The following IL1RAPL2 variants were observed in gnomAD, a reference collection of about 807,000 sequenced individuals.
IL1RAPL2 encodes X-linked interleukin-1 receptor accessory protein-like 2.
In IL1RAPL2, 3 loss-of-function variants were observed where a neutral mutation model predicts 44.1. The observed-to-expected ratio is 0.07, with a 90% CI of 0.03 to 0.18. The LOEUF (loss-of-function observed/expected upper bound fraction) is 0.18, where lower values mean the gene tolerates loss of function less well. Among genes scored for constraint, IL1RAPL2 ranks in the 10% least tolerant of loss-of-function variants. IL1RAPL2 has a pLI of 1.00. For synonymous variants in IL1RAPL2, 181 were observed against 178.8 expected (o/e 1.01, Z -0.10); for missense variants, 391 against 496.4 (o/e 0.79, Z 2.02).
intron 2 of IL1RAPL2, among the ~76,000 whole-genome samples, chrX:105,144,094 GGTGTGT>G (rs762069943): frequency 0.017 from 1,373 of 79,520 alleles, 20 homozygotes; most frequent in African/African-American, 0.048. Flanking sequence ...TCAACAGATG[GGTGTGT>G]GTGTGTGTGT....
At chrX:104,873,789 A>G (rs1922827188) in intron 2 of IL1RAPL2, among the ~76,000 whole-genome samples, 1 of 111,994 alleles carries the variant, frequency 8.9e-6, no homozygotes, top group African/African-American at 3.2e-5. Context: ...AAAGGATACA[A>G]AATTTGATTT....
intron 2 of IL1RAPL2, among the ~76,000 whole-genome samples, chrX:105,094,056 T>A (rs2032575968): frequency 8.9e-6 from 1 of 111,749 alleles, no homozygotes; most frequent in Non-Finnish European, 1.9e-5. Context: ...AGCCACCTCC[T>A]CAGATGTGGC....
At chrX:105,629,638 A>G (rs755658238) in intron 6 of IL1RAPL2, among the ~76,000 whole-genome samples, 27 of 111,599 alleles carry the variant, frequency 2.4e-4, no homozygotes, top group Non-Finnish European at 4.1e-4. Context: ...TTCACTGAGC[A>G]TGTACACAGG....
At chrX:105,219,956 A>C in intron 3 of IL1RAPL2, 2 of 1,192,188 alleles carry the variant, frequency 1.7e-6, no homozygotes, top group Non-Finnish European at 2.3e-6. Context: ...AGCGGCTTCC[A>C]ACTCACCTTG....
chrX:105,067,708 T>A lies in IL1RAPL2; in HGVS notation c.83-127767T>A, dbSNP rs779349170. ...TTAAAGTGCTGTGAACATTGTGAAATAAGTACATATGATTAACTGAGGGTA... is the reference window on the plus strand; with the variant it reads ...TTAAAGTGCTGTGAACATTGTGAAAAAAGTACATATGATTAACTGAGGGTA... On this transcript the variant is annotated intron_variant, in intron 2 of 10. Coordinates refer to ENST00000372582, the MANE Select transcript of IL1RAPL2 (RefSeq NM_017416.2). Among the ~76,000 whole-genome samples the A allele has an allele frequency of 1.4e-3, 157 of 111,951 alleles. 2 individuals are homozygous for A. Among genetic ancestry groups the A allele is most frequent in the Middle Eastern group, 4.7e-3 (1 of 214 alleles).
chrX:105,658,961 C>CAAA (rs1157609868), intron 6 of IL1RAPL2, among the ~76,000 whole-genome samples: 1 of 37,840 alleles, frequency 2.6e-5, no homozygotes. Context: ...GACTCCGTCT[C>CAAA]AAAAAAAAAA....
intron 5 of IL1RAPL2, among the ~76,000 whole-genome samples, chrX:105,380,906 G>C (rs946839843): frequency 9.0e-6 from 1 of 111,212 alleles, no homozygotes; most frequent in African/African-American, 3.3e-5. Context: ...AAATACAACA[G>C]GTGCAGAGGT....
intron 2 of IL1RAPL2, among the ~76,000 whole-genome samples, chrX:104,896,333 C>T (rs1372634336): frequency 1.8e-5 from 2 of 111,918 alleles, no homozygotes; most frequent in East Asian, 5.7e-4. Flanking sequence ...CCAAGGACCC[C>T]TGGACCAACC....
chrX:105,225,397 G>C (rs971892661), intron 3 of IL1RAPL2, among the ~76,000 whole-genome samples: 1 of 111,944 alleles, frequency 8.9e-6, no homozygotes, highest in Non-Finnish European at 1.9e-5. Flanking sequence ...ACAATTACAA[G>C]AAGAAGAAAA....
intron 6 of IL1RAPL2, among the ~76,000 whole-genome samples, chrX:105,513,935 T>C (rs908002271): frequency 2.7e-5 from 3 of 111,244 alleles, no homozygotes; most frequent in Non-Finnish European, 5.7e-5. Flanking sequence ...CCATCTTGAG[T>C]TGATTTTCGT....
intron 2 of IL1RAPL2, among the ~76,000 whole-genome samples, chrX:104,867,243 A>G (rs1488381070): frequency 9.3e-6 from 1 of 107,732 alleles, no homozygotes; most frequent in Non-Finnish European, 1.9e-5. Context: ...TCTCAAAAAA[A>G]AAAAAAAAAA....
At chrX:105,218,433 G>A (rs1040626482) in intron 3 of IL1RAPL2, among the ~76,000 whole-genome samples, 1 of 110,919 alleles carries the variant, frequency 9.0e-6, no homozygotes, top group Non-Finnish European at 1.9e-5. Flanking sequence ...TCATGGAATC[G>A]GCCTCTCTGT....
chrX:105,453,199 ACCTT>A (rs1405184555), intron 5 of IL1RAPL2, among the ~76,000 whole-genome samples: 13 of 111,812 alleles, frequency 1.2e-4, no homozygotes, highest in Non-Finnish European at 2.1e-4. Flanking sequence ...AAGGTCTTAT[ACCTT>A]CACATTGACA....
intron 2 of IL1RAPL2, among the ~76,000 whole-genome samples, chrX:104,798,986 C>G (rs1932868391): frequency 2.7e-5 from 3 of 111,128 alleles, no homozygotes; most frequent in African/African-American, 9.8e-5. Context: ...TTAATTTTAT[C>G]ATACATTTAT....
At position 105,243,603 on chromosome X, in the gene IL1RAPL2, A is replaced by AT. The variant is rs1296744418; in HGVS notation, c.543+9600dup. Among the ~76,000 whole-genome samples, 33 of 86,690 alleles carry AT rather than the reference A, an allele frequency of 3.8e-4. No individual in the cohort carries two copies. The South Asian group carries it at 8.6e-3, about 23-fold the overall frequency. The allele number at this position is 86,690 out of a possible 115,157, so 75.3% of individuals were successfully genotyped here. A position where few individuals can be genotyped will look rare whatever the true frequency, so the allele number is the denominator to read the frequency against. ...TATATATGTGTATATATATATATAT[A>AT]TATTTTTTTTTTACAAAAGAGTTTT... On this transcript the variant is annotated intron_variant, in intron 4 of 10. Transcript: ENST00000372582.
At chrX:105,589,682 A>G (rs1424672583) in intron 6 of IL1RAPL2, among the ~76,000 whole-genome samples, 1 of 110,324 alleles carries the variant, frequency 9.1e-6, no homozygotes, top group Non-Finnish European at 1.9e-5. Context: ...AAGATCAGAG[A>G]GTTGTAGGTA....
At chrX:104,640,916 C>T (rs1464776166) in intron 1 of IL1RAPL2, among the ~76,000 whole-genome samples, 1 of 112,086 alleles carries the variant, frequency 8.9e-6, no homozygotes, top group East Asian at 2.8e-4. Flanking sequence ...GTCCTTGGGC[C>T]CCATGGCTGT....
At chrX:105,406,242 A>G in intron 5 of IL1RAPL2, 5 of 1,114,524 alleles carry the variant, frequency 4.5e-6, no homozygotes, top group Non-Finnish European at 6.2e-6. Context: ...ATGTTTAAGG[A>G]CAAAAGTGTC....
chrX:105,284,854 G>A (rs1211820724), intron 5 of IL1RAPL2, among the ~76,000 whole-genome samples: 1 of 111,270 alleles, frequency 9.0e-6, no homozygotes, highest in Non-Finnish European at 1.9e-5. Flanking sequence ...GAAGCCAGGG[G>A]TGTCATTGGA....
Sources: allele counts gnomAD v4.1 joint callset (sites outside exome capture counted in the v4.1 genomes callset), GRCh38; gene constraint gnomAD v4.1.1; transcripts MANE v1.5; gene names NCBI Gene and HGNC (gene_info 2026-07-23, HGNC 2026-07-21).